The following SPATA13 variants were observed in gnomAD, a reference collection of about 807,000 sequenced individuals.
SPATA13 encodes spermatogenesis-associated protein 13.
SPATA13 carries 50 observed loss-of-function variants against 104.0 expected under a neutral mutation model. That is an observed-to-expected ratio of 0.48 (90% CI 0.38 to 0.61). The LOEUF is 0.61. Ranked by LOEUF, SPATA13 falls within the 20% of genes least tolerant of loss-of-function variation. The probability of loss-of-function intolerance (pLI) is 0.00; values close to 1 mark genes in which losing one functional copy is unlikely to be tolerated. For missense variants in SPATA13, 1,524 were observed against 1,690.6 expected (o/e 0.90, Z 1.73); for synonymous variants, 606 against 667.5 (o/e 0.91, Z 1.42).
intron 3 of SPATA13, among the ~76,000 whole-genome samples, chr13:24,035,989 G>T (rs377426164): frequency 2.7e-4 from 39 of 147,038 alleles, no homozygotes; most frequent in African/African-American, 9.7e-4. Flanking sequence ...ACTCCATCCT[G>T]GGTGACAGAG....
At chr13:24,143,750 C>A (rs1881839958) in intron 3 of SPATA13, among the ~76,000 whole-genome samples, 3 of 152,162 alleles carry the variant, frequency 2.0e-5, no homozygotes, top group Non-Finnish European at 4.4e-5. Context: ...CAGAAACTGT[C>A]TGGCTACTTG....
chr13:24,113,723 A>G (rs941134901), intron 3 of SPATA13, among the ~76,000 whole-genome samples: 1 of 151,864 alleles, frequency 6.6e-6, no homozygotes, highest in African/African-American at 2.4e-5. Flanking sequence ...TACAAACATT[A>G]GCTGGACATG....
At chr13:24,013,683 C>T (rs1047409624) in intron 2 of SPATA13, among the ~76,000 whole-genome samples, 2 of 151,632 alleles carry the variant, frequency 1.3e-5, no homozygotes, top group African/African-American at 4.8e-5. Context: ...GCTCCTTGTC[C>T]CTTACAGTCT....
In SPATA13 at chr13:24,283,236, C is replaced by T. The variant is rs140933786; in HGVS notation, c.2165-899C>T. Among the ~76,000 whole-genome samples, 1,023 of 152,310 alleles carry T rather than the reference C, an allele frequency of 6.7e-3. 11 individuals carry two copies. Among genetic ancestry groups the T allele is most frequent in the South Asian group, 0.039 (188 of 4,822 alleles). ...CTTCAGACTCTCCCTATTATATTTC[C>T]ACTTCCTGGCTGCAGTCATCAGAAT... On this transcript the variant is annotated intron_variant, in intron 4 of 12. Transcript: ENST00000382108.
intron 3 of SPATA13, among the ~76,000 whole-genome samples, chr13:24,145,860 G>A (rs1881911596): frequency 2.0e-5 from 3 of 152,236 alleles, no homozygotes; most frequent in Admixed American, 2.0e-4. Flanking sequence ...GAGCACAGCT[G>A]GGGCTTGGAG....
intron 3 of SPATA13, among the ~76,000 whole-genome samples, chr13:24,023,866 CA>C (rs1345800544): frequency 6.6e-6 from 1 of 152,180 alleles, no homozygotes; most frequent in Non-Finnish European, 1.5e-5. Context: ...CACCCTGCAG[CA>C]GTGTGAGACG....
intron 12 of SPATA13, among the ~76,000 whole-genome samples, chr13:24,301,861 G>A (rs1040546805): frequency 2.6e-5 from 4 of 152,194 alleles, no homozygotes; most frequent in African/African-American, 9.6e-5. Flanking sequence ...TAGATATTGA[G>A]GGCACAGTTC....
At chr13:24,173,408 T>C (rs990111217) in intron 1 of SPATA13, among the ~76,000 whole-genome samples, 4 of 150,112 alleles carry the variant, frequency 2.7e-5, no homozygotes, top group South Asian at 2.1e-4. Flanking sequence ...GTGTGGTAGA[T>C]TTCTTGAGAT....
At position 24,166,159 on chromosome 13, in the gene SPATA13, A is replaced by C. The variant is rs553207431; in HGVS notation, c.-112+5227A>C. On this transcript the variant is annotated intron_variant, in intron 1 of 12. Transcript: ENST00000382108. ...CATGCTGGTTTGTAAGCATAAATGT[A>C]TATGTAATACTTACTGTGTATCTTT... 2.1e-3 allele frequency among the ~76,000 whole-genome samples: 320 copies of C among 152,364 alleles called. 1 individual carries two copies. The highest frequency in any genetic ancestry group is 7.4e-3 in the African/African-American group (309 of 41,586).
In SPATA13 at chr13:24,152,676, G is replaced by A. The variant is rs778408376; in HGVS notation, c.-111-70143G>A. On this transcript the variant is annotated intron_variant, in intron 3 of 14. Coordinates refer to the SPATA13 transcript ENST00000424834. Reference sequence around the variant, plus strand: ...TTTTCAAAGTCCTGCTGTGGAAGATGTCTCTCTCTGTCACTCACCATCACC... The same window carrying A: ...TTTTCAAAGTCCTGCTGTGGAAGATATCTCTCTCTGTCACTCACCATCACC... Among the ~76,000 whole-genome samples the A allele has an allele frequency of 1.2e-4, 19 of 152,318 alleles. No individual in the cohort carries two copies. The South Asian group carries it at 1.4e-3, about 12-fold the overall frequency.
At chr13:24,266,807 T>C (rs1370656080) in intron 4 of SPATA13, among the ~76,000 whole-genome samples, 1 of 150,422 alleles carries the variant, frequency 6.6e-6, no homozygotes, top group Non-Finnish European at 1.5e-5. Context: ...TTTTTTTTTT[T>C]CCAAGTCAGG....
intron 2 of SPATA13, among the ~76,000 whole-genome samples, chr13:24,240,858 A>G (rs1872798265): frequency 6.6e-6 from 1 of 152,178 alleles, no homozygotes; most frequent in Admixed American, 6.5e-5. Flanking sequence ...ATCTAATATC[A>G]CCACCATGCT....
At chr13:24,123,353 A>C (rs1881103068) in intron 3 of SPATA13, 1 of 1,311,370 alleles carries the variant, frequency 7.6e-7, no homozygotes, top group South Asian at 1.2e-5. Context: ...CTTCACAGAA[A>C]TAGTGAATTA....
chr13:24,026,322 C>T (rs970842062), intron 3 of SPATA13, among the ~76,000 whole-genome samples: 1 of 152,066 alleles, frequency 6.6e-6, no homozygotes, highest in African/African-American at 2.4e-5. Context: ...GTTTTGTGTT[C>T]TTCACATGAA....
At chr13:24,127,476 A>G (rs944785177) in intron 3 of SPATA13, among the ~76,000 whole-genome samples, 35 of 152,328 alleles carry the variant, frequency 2.3e-4, no homozygotes, top group African/African-American at 6.0e-4. Flanking sequence ...TAGGTAGTCT[A>G]CTGAGAACAG....
At chr13:24,254,765 T>C (rs927960849) in intron 4 of SPATA13, among the ~76,000 whole-genome samples, 1 of 152,096 alleles carries the variant, frequency 6.6e-6, no homozygotes, top group Admixed American at 6.5e-5. Flanking sequence ...TCCTGTGGTT[T>C]AGCCCAGGCT....
rs1004478702 is a variant in SPATA13, at chr13:24,188,332, CA to C, written c.-112+27408del. On this transcript the variant is annotated intron_variant, in intron 1 of 12. Coordinates refer to ENST00000382108, the MANE Select transcript of SPATA13 (RefSeq NM_001166271.3). ...GGGCAACAGAGCGAGACTCCATCTC[CA>C]AAAAAAATAATAAAAAAAAAAAGTG... 4.2e-3 allele frequency among the ~76,000 whole-genome samples: 314 copies of C among 74,520 alleles called. 2 individuals carry two copies. Among genetic ancestry groups the C allele is most frequent in the African/African-American group, 0.01 (280 of 27,796 alleles). The allele number at this position is 74,520 out of a possible 152,430, so 48.9% of individuals were successfully genotyped here. A position where few individuals can be genotyped will look rare whatever the true frequency, so the allele number is the denominator to read the frequency against.
At position 24,236,981 on chromosome 13, in the gene SPATA13, A is replaced by T. The variant is rs1872606253; in HGVS notation, c.1653+12399A>T. ...ACTATTCATAAGAGGCAAAAGAAGG[A>T]AACAACCCAAGTGTCTGTTGATGGA... On this transcript the variant is annotated intron_variant, in intron 2 of 12. Transcript: ENST00000382108. Among the ~76,000 whole-genome samples, 3 of 152,358 alleles carry T rather than the reference A, an allele frequency of 2.0e-5. No individual in the cohort carries two copies. The South Asian group carries it at 6.2e-4, about 32-fold the overall frequency.
chr13:24,220,429 A>G (rs1566156993), intron 1 of SPATA13, among the ~76,000 whole-genome samples: 1 of 152,216 alleles, frequency 6.6e-6, no homozygotes, highest in Non-Finnish European at 1.5e-5. Flanking sequence ...TGTGAACTGG[A>G]CTTGACCTTT....
Sources: allele counts gnomAD v4.1 joint callset (sites outside exome capture counted in the v4.1 genomes callset), GRCh38; gene constraint gnomAD v4.1.1; transcripts MANE v1.5; gene names NCBI Gene and HGNC (gene_info 2026-07-23, HGNC 2026-07-21).